The following MNS1 variants were observed in gnomAD, a reference collection of about 807,000 sequenced individuals.
MNS1 encodes meiosis specific nuclear structural 1.
MNS1 carries 63 observed loss-of-function variants against 72.0 expected under a neutral mutation model. That is an observed-to-expected ratio of 0.87 (90% CI 0.71 to 1.08). The LOEUF (loss-of-function observed/expected upper bound fraction) is 1.08. MNS1 is among the 50% of genes least tolerant of loss of function. The probability of loss-of-function intolerance (pLI) is 0.00; values close to 1 mark genes in which losing one functional copy is unlikely to be tolerated. For synonymous variants in MNS1, 188 were observed against 172.1 expected (o/e 1.09, Z -0.72); for missense variants, 604 against 562.4 (o/e 1.07, Z -0.75).
intron 8 of MNS1, among the ~76,000 whole-genome samples, chr15:56,433,268 GGA>G (rs1491562886): frequency 3.5e-5 from 5 of 143,218 alleles, no homozygotes; most frequent in Middle Eastern, 3.3e-3. Flanking sequence ...GGGGTGGGGG[GGA>G]CAAGGGGAAG....
rs1555449789 is a variant in MNS1, at chr15:56,461,975, G to GTTGTTTT, written c.225+2050_225+2051insAAAACAA. On this transcript the variant is annotated intron_variant, in intron 2 of 9. Coordinates refer to ENST00000260453, the MANE Select transcript of MNS1 (RefSeq NM_018365.4). ...AATAACAAAGTGTTTTTTTGTTGTT[G>GTTGTTTT]TTTTTTTTTTTTTTTTTTTTTTTTT... 2.9e-4 allele frequency among the ~76,000 whole-genome samples: 28 copies of GTTGTTTT among 97,882 alleles called. 1 individual carries two copies. Among genetic ancestry groups the GTTGTTTT allele is most frequent in the African/African-American group, 1.0e-3 (27 of 26,028 alleles). 64.2% of individuals were successfully genotyped at this position (97,882 alleles called of 152,430 possible).
At chr15:56,450,453 CT>C (rs2050940129) in intron 3 of MNS1, among the ~76,000 whole-genome samples, 1 of 152,110 alleles carries the variant, frequency 6.6e-6, no homozygotes, top group South Asian at 2.1e-4. Flanking sequence ...AATTCCTAAT[CT>C]GCATTTTGTC....
chr15:56,460,013 C>G (rs1711491), intron 2 of MNS1, among the ~76,000 whole-genome samples: 2 of 34,638 alleles, frequency 5.8e-5, no homozygotes, highest in Non-Finnish European at 5.3e-5. Context: ...AAAAAAAATA[C>G]ATATATATAT....
At chr15:56,440,345 C>G (rs1491002997) in intron 7 of MNS1, among the ~76,000 whole-genome samples, 1 of 152,108 alleles carries the variant, frequency 6.6e-6, no homozygotes, top group African/African-American at 2.4e-5. Flanking sequence ...AGACAGACTG[C>G]GTAACTCATA....
chr15:56,430,282 C>A (rs1456757072), intron 9 of MNS1, among the ~76,000 whole-genome samples: 2 of 152,212 alleles, frequency 1.3e-5, no homozygotes, highest in Admixed American at 1.3e-4. Flanking sequence ...TCATGGGTCA[C>A]TGCAGCTTCA....
chr15:56,452,957 G>A (rs1250134729), intron 3 of MNS1, among the ~76,000 whole-genome samples: 1 of 152,128 alleles, frequency 6.6e-6, no homozygotes, highest in African/African-American at 2.4e-5. Flanking sequence ...ATAGCCTCAA[G>A]CCTGCTATGT....
At position 56,429,198 on chromosome 15, in the gene MNS1, G is replaced by A. The variant is rs750664253; in HGVS notation, c.1396-5C>T. The A allele has an allele frequency of 7.7e-6, 12 of 1,567,370 alleles. No individual in the cohort carries two copies. Among genetic ancestry groups the A allele is most frequent in the East Asian group, 4.6e-5 (2 of 43,308 alleles). On this transcript the variant is annotated splice_polypyrimidine_tract_variant and splice_region_variant and intron_variant, in intron 9 of 9. Transcript: ENST00000260453. ...ATCCTCTTTTTTAAATACTCCCTAC[G>A]AGAAAAATACTTTGTGGGTTACTTT...
At chr15:56,454,455 C>G (rs1381062927) in intron 3 of MNS1, among the ~76,000 whole-genome samples, 17 of 152,082 alleles carry the variant, frequency 1.1e-4, no homozygotes, top group Non-Finnish European at 2.1e-4. Context: ...CTCATTCATT[C>G]TATTTTTTTT....
intron 7 of MNS1, among the ~76,000 whole-genome samples, chr15:56,436,472 T>C (rs2050726775): frequency 6.6e-6 from 1 of 152,090 alleles, no homozygotes; most frequent in Non-Finnish European, 1.5e-5. Context: ...TAGAGGGAAA[T>C]TTATAGCACT....
intron 8 of MNS1, among the ~76,000 whole-genome samples, chr15:56,433,390 C>T (rs1567146991): frequency 6.7e-6 from 1 of 148,220 alleles, no homozygotes. Context: ...AACAAACCTG[C>T]ATGTTCTGCA....
intron 7 of MNS1, among the ~76,000 whole-genome samples, chr15:56,437,383 G>C (rs1335133462): frequency 6.6e-6 from 1 of 152,072 alleles, no homozygotes; most frequent in African/African-American, 2.4e-5. Flanking sequence ...TATCTCAATA[G>C]ATGCAAAAAA....
intron 9 of MNS1, 175 bp from the exon 10 acceptor site, chr15:56,429,368 T>C (rs2050492781): frequency 3.8e-6 from 2 of 531,996 alleles, no homozygotes; most frequent in Admixed American, 3.8e-5. Context: ...ACTTTACATA[T>C]ATATTGAATA....
At chr15:56,431,270 G>T in intron 9 of MNS1, 103 bp downstream of exon 9, 2 of 1,359,988 alleles carry the variant, frequency 1.5e-6, no homozygotes, top group Non-Finnish European at 2.0e-6. Context: ...CTTCATAACC[G>T]AGCAAGAAGT....
chr15:56,429,158 AAGC>A lies in MNS1; in HGVS notation c.1428_1430del (p.Leu477del). The A allele has an allele frequency of 6.2e-7, 1 of 1,602,336 alleles. No homozygotes were observed. Among genetic ancestry groups the A allele is most frequent in the African/African-American group, 1.3e-5 (1 of 74,332 alleles). On this transcript the variant is annotated inframe_deletion, in exon 10 of 10. Coordinates refer to ENST00000260453, the MANE Select transcript of MNS1 (RefSeq NM_018365.4). ...GATATACTTTCCTGAACTCTTCACC[AAGC>A]AGATCAATATCATCCTCTTTTTTAA...
intron 7 of MNS1, among the ~76,000 whole-genome samples, chr15:56,440,481 A>G (rs1445609901): frequency 6.6e-6 from 1 of 152,214 alleles, no homozygotes; most frequent in Non-Finnish European, 1.5e-5. Flanking sequence ...TTGCAGAGAA[A>G]TGAAAATTGA....
At chr15:56,434,032 A>T in intron 8 of MNS1, 106 bp downstream of exon 8, 1 of 1,254,802 alleles carries the variant, frequency 8.0e-7, no homozygotes. Flanking sequence ...TAAACATACT[A>T]ACATTGTCTG....
chr15:56,454,590 C>A (rs997268625), intron 3 of MNS1, among the ~76,000 whole-genome samples: 18 of 151,928 alleles, frequency 1.2e-4, no homozygotes, highest in Admixed American at 3.9e-4. Context: ...TTATGATTTT[C>A]TATTACTGTT....
rs755590041 is a variant in MNS1 at position 56,429,151 on chromosome 15, C to G, written c.1438G>C (p.Glu480Gln). The change falls in exon 10 of 10, where the codon GAG (glutamate) becomes CAG (glutamine). Residue 480 changes from glutamate to glutamine, a missense_variant. Glu to Gln is a conservative substitution (Grantham distance 29). Coordinates refer to ENST00000260453, the MANE Select transcript of MNS1 (RefSeq NM_018365.4). ...KEDDIDLLGE[E>Q]FRKVYQQRSE... Reference sequence around the variant, plus strand: ...CTTTGTTGATATACTTTCCTGAACTCTTCACCAAGCAGATCAATATCATCC... The same window carrying G: ...CTTTGTTGATATACTTTCCTGAACTGTTCACCAAGCAGATCAATATCATCC... The G allele has an allele frequency of 1.2e-6, 2 of 1,602,340 alleles. No individual in the cohort carries two copies. Among genetic ancestry groups the G allele is most frequent in the Non-Finnish European group, 1.7e-6 (2 of 1,175,476 alleles).
At chr15:56,456,752 C>T (rs1020463340) in intron 2 of MNS1, among the ~76,000 whole-genome samples, 2 of 151,978 alleles carry the variant, frequency 1.3e-5, no homozygotes, top group Non-Finnish European at 2.9e-5. Context: ...TCTCAGGTAC[C>T]CATCACACAT....
Sources: gnomAD v4.1 joint callset for allele counts (sites outside exome capture counted in the v4.1 genomes callset) on GRCh38, gnomAD v4.1.1 for gene constraint, MANE v1.5 for transcripts, NCBI Gene and HGNC (gene_info 2026-07-23, HGNC 2026-07-21) for gene names.